AUH: variants seen among roughly 807,000 people sequenced by gnomAD.
The protein encoded by AUH is methylglutaconyl-CoA hydratase, mitochondrial.
A neutral mutation model predicts 42.3 loss-of-function variants in AUH; 29 were observed. The ratio of observed to expected loss-of-function variants is 0.69; its 90% CI spans 0.51 to 0.93. The LOEUF (loss-of-function observed/expected upper bound fraction) is 0.93. Among genes scored for constraint, AUH ranks in the 40% least tolerant of loss-of-function variants. The probability of loss-of-function intolerance (pLI) is 0.00; values close to 1 mark genes in which losing one functional copy is unlikely to be tolerated. For synonymous variants in AUH, 174 were observed against 166.4 expected, an observed-to-expected ratio of 1.05 and a Z score of -0.35; for missense variants, 452 against 438.1, an observed-to-expected ratio of 1.03 and a Z score of -0.28.
intron 6 of AUH, among the ~76,000 whole-genome samples, chr9:91,243,538 G>T (rs1333328289): frequency 6.6e-6 from 1 of 152,168 alleles, no homozygotes; most frequent in Non-Finnish European, 1.5e-5. Flanking sequence ...CTTCCTCCTC[G>T]CTTTCTATTC....
intron 3 of AUH, among the ~76,000 whole-genome samples, chr9:91,342,487 G>A (rs993953932): frequency 3.3e-5 from 5 of 152,202 alleles, no homozygotes; most frequent in Non-Finnish European, 7.3e-5. Flanking sequence ...TTTCTGAACA[G>A]TGTCTGAAAT....
At chr9:91,219,065 C>T (rs943065197) in intron 7 of AUH, 5 of 981,536 alleles carry the variant, frequency 5.1e-6, no homozygotes. Context: ...GGTAACCACA[C>T]AATGGGATGC....
chr9:91,340,716 C>G (rs1161859959), intron 3 of AUH, among the ~76,000 whole-genome samples: 1 of 152,132 alleles, frequency 6.6e-6, no homozygotes. Flanking sequence ...GAAAAACAGC[C>G]TCCATGGCCA....
chr9:91,222,941 G>A (rs963033383), intron 6 of AUH, among the ~76,000 whole-genome samples: 1 of 152,096 alleles, frequency 6.6e-6, no homozygotes, highest in African/African-American at 2.4e-5. Context: ...GCTCAAACTC[G>A]TTCATCATAT....
At chr9:91,344,480 C>T (rs755419919) in intron 3 of AUH, among the ~76,000 whole-genome samples, 9 of 152,168 alleles carry the variant, frequency 5.9e-5, no homozygotes, top group Middle Eastern at 3.2e-3. Context: ...GGGCTGGTCA[C>T]TCATATTTGG....
intron 6 of AUH, among the ~76,000 whole-genome samples, chr9:91,227,166 G>C (rs1418319218): frequency 3.3e-5 from 5 of 150,830 alleles, no homozygotes; most frequent in African/African-American, 1.2e-4. Context: ...TCACGATATT[G>C]ATTCTTCCTA....
At chr9:91,270,464 C>G (rs1825026332) in intron 6 of AUH, among the ~76,000 whole-genome samples, 2 of 152,156 alleles carry the variant, frequency 1.3e-5, no homozygotes, top group South Asian at 4.1e-4. Flanking sequence ...TCCTGGACAG[C>G]TAAAAAGCAA....
rs915217147 is a variant in AUH, at chr9:91,227,787, C to T, written c.656-6795G>A. ...AGCATTGTTGAATTTTGTCAAAGGCCTTTTCTGCATCTATTGAGATAATCA... is the reference window on the plus strand; with the variant it reads ...AGCATTGTTGAATTTTGTCAAAGGCTTTTTCTGCATCTATTGAGATAATCA... On this transcript the variant is annotated intron_variant, in intron 6 of 9. Transcript: ENST00000375731. 3.9e-5 allele frequency among the ~76,000 whole-genome samples: 6 copies of T among 152,236 alleles called. 1 individual carries two copies. In the East Asian group the frequency reaches 9.6e-4, roughly 24 times the overall value.
At chr9:91,268,471 C>T (rs1013487882) in intron 6 of AUH, among the ~76,000 whole-genome samples, 48 of 152,102 alleles carry the variant, frequency 3.2e-4, no homozygotes, top group Non-Finnish European at 8.8e-5. Flanking sequence ...CACTCTGCTG[C>T]CCAGGCTGAA....
chr9:91,220,793 A>C lies in AUH; in HGVS notation c.843+12T>G. On this transcript the variant is annotated intron_variant, in intron 7 of 9. Transcript: ENST00000375731. ...AAAATGAGAAAAAATAAACTCATTT[A>C]ATGAGAAATACCTGAGGTAAAAACT... 1 of 1,613,766 alleles carries C rather than the reference A, an allele frequency of 6.2e-7. No individual in the cohort carries two copies. Among genetic ancestry groups the C allele is most frequent in the Non-Finnish European group, 8.5e-7 (1 of 1,179,790 alleles).
At chr9:91,352,190 G>A (rs1397116629) in intron 3 of AUH, among the ~76,000 whole-genome samples, 1 of 152,000 alleles carries the variant, frequency 6.6e-6, no homozygotes, top group Non-Finnish European at 1.5e-5. Flanking sequence ...CACGAGAATC[G>A]CTTGAACACT....
chr9:91,361,568 C>A, intron 1 of AUH, 60 bp downstream of exon 1: 3 of 1,544,646 alleles, frequency 1.9e-6, no homozygotes, highest in Non-Finnish European at 2.6e-6. Flanking sequence ...GCACCTTATG[C>A]CCGTCCTGAG....
chr9:91,255,235 G>A (rs769064371), intron 6 of AUH, among the ~76,000 whole-genome samples: 3 of 152,186 alleles, frequency 2.0e-5, no homozygotes, highest in Non-Finnish European at 4.4e-5. Context: ...TATAGTCACA[G>A]TTAAACCCAG....
At chr9:91,229,807 A>T (rs949224557) in intron 6 of AUH, among the ~76,000 whole-genome samples, 46 of 147,666 alleles carry the variant, frequency 3.1e-4, no homozygotes, top group African/African-American at 9.2e-4. Context: ...TTTCTCCTTC[A>T]CTTATGAAGC....
chr9:91,347,212 TTTTGTTTGTTTGTTTG>T (rs145405829), intron 3 of AUH, among the ~76,000 whole-genome samples: 2 of 150,062 alleles, frequency 1.3e-5, no homozygotes, highest in Non-Finnish European at 3.0e-5. Context: ...TAAGAGGGTT[TTTTGTTTGTTTGTTTG>T]TTTGTTTGTT....
At chr9:91,332,953 T>G (rs1264974868) in intron 3 of AUH, among the ~76,000 whole-genome samples, 2 of 152,202 alleles carry the variant, frequency 1.3e-5, no homozygotes, top group East Asian at 3.9e-4. Context: ...GTTCTCGCTC[T>G]CTTATCAGGA....
chr9:91,360,014 A>G (rs1216530949), intron 1 of AUH, among the ~76,000 whole-genome samples: 1 of 140,358 alleles, frequency 7.1e-6, no homozygotes, highest in Non-Finnish European at 1.6e-5. Context: ...AAGGCTAAAG[A>G]AAAAAAAAAA....
intron 4 of AUH, among the ~76,000 whole-genome samples, chr9:91,304,682 T>C (rs79413176): frequency 0.084 from 12,840 of 152,294 alleles, 627 homozygotes; most frequent in East Asian, 0.18. Context: ...GGTTAAGCAC[T>C]GGTACTTTAA....
At chr9:91,262,682 C>T (rs1006039278) in intron 6 of AUH, among the ~76,000 whole-genome samples, 3 of 151,850 alleles carry the variant, frequency 2.0e-5, no homozygotes, top group Non-Finnish European at 4.4e-5. Flanking sequence ...GATTAGAAAA[C>T]GAAGTCCCAC....
Sources: gnomAD v4.1 joint callset for allele counts (sites outside exome capture counted in the v4.1 genomes callset) on GRCh38, gnomAD v4.1.1 for gene constraint, MANE v1.5 for transcripts, NCBI Gene and HGNC (gene_info 2026-07-23, HGNC 2026-07-21) for gene names.